CNTN6: variants seen among roughly 807,000 people sequenced by gnomAD.
CNTN6 encodes the protein contactin-6.
A neutral mutation model predicts 122.8 loss-of-function variants in CNTN6; 137 were observed. That is an observed-to-expected ratio of 1.12 (90% CI 0.97 to 1.29). The LOEUF is 1.29. Ranked by LOEUF, CNTN6 falls within the 50% of genes most tolerant of loss-of-function variation. The pLI, the probability that CNTN6 is intolerant of heterozygous loss-of-function variation, is 0.00. For synonymous variants in CNTN6, 570 were observed against 426.0 expected, an observed-to-expected ratio of 1.34 and a Z score of -4.16; for missense variants, 1,634 against 1,223.4, an observed-to-expected ratio of 1.34 and a Z score of -5.01.
chr3:1,174,612 A>C (rs2093415804), intron 2 of CNTN6, among the ~76,000 whole-genome samples: 1 of 152,134 alleles, frequency 6.6e-6, no homozygotes, highest in Non-Finnish European at 1.5e-5. Flanking sequence ...ACAAAGTATG[A>C]TTAGTAACTA....
rs372264332 is a variant in CNTN6 at position 1,245,975 on chromosome 3, G to T, written c.358+17982G>T. On this transcript the variant is annotated intron_variant, in intron 4 of 22. Transcript: ENST00000446702. ...AAGAAAATGTATGAATTTTTGTTGG[G>T]CCACATTCAAAGCCATCCTGGGTTG... 1.1e-4 allele frequency among the ~76,000 whole-genome samples: 17 copies of T among 152,134 alleles called. No individual in the cohort carries two copies. In the East Asian group the frequency reaches 3.1e-3, roughly 28 times the overall value.
Position 1,402,501 on chromosome 3 carries a change from C to T in CNTN6, c.2986+15C>T, listed in dbSNP as rs768373088. ...AAAAATGTCAAGTAAGTTGAGTCAC[C>T]ATTGCTGTAGTAGATTCTGAACCTA... On this transcript the variant is annotated intron_variant, in intron 22 of 22. Transcript: ENST00000446702. 1 of 1,597,516 alleles carries T rather than the reference C, an allele frequency of 6.3e-7. No individual in the cohort carries two copies. Among genetic ancestry groups the T allele is most frequent in the African/African-American group, 1.3e-5 (1 of 74,538 alleles).
intron 11 of CNTN6, among the ~76,000 whole-genome samples, chr3:1,341,234 T>TCTAGTA (rs1703848102): frequency 6.6e-6 from 1 of 152,106 alleles, no homozygotes; most frequent in South Asian, 2.1e-4. Flanking sequence ...TCACACATTT[T>TCTAGTA]TGTGTCCTTT....
At chr3:1,403,260 A>C in intron 22 of CNTN6, 58 bp from the exon 23 acceptor site, 1 of 1,127,658 alleles carries the variant, frequency 8.9e-7, no homozygotes, top group Non-Finnish European at 1.3e-6. Flanking sequence ...TTGAAAAATT[A>C]ATCTAACAGG....
chr3:1,366,557 C>T (rs1708245586), intron 12 of CNTN6, among the ~76,000 whole-genome samples: 1 of 152,086 alleles, frequency 6.6e-6, no homozygotes, highest in South Asian at 2.1e-4. Context: ...ACTGAAGCCC[C>T]TCTTCTTTCC....
chr3:1,329,236 T>C (rs894150994), intron 10 of CNTN6, among the ~76,000 whole-genome samples: 2 of 144,170 alleles, frequency 1.4e-5, no homozygotes, highest in Non-Finnish European at 3.0e-5. Flanking sequence ...TACACATGTA[T>C]GTGCATACAT....
intron 2 of CNTN6, among the ~76,000 whole-genome samples, chr3:1,154,634 G>A (rs2092922654): frequency 1.3e-5 from 2 of 151,838 alleles, no homozygotes; most frequent in Middle Eastern, 3.2e-3. Flanking sequence ...GTAGAGACGG[G>A]GTTTCTCCAT....
intron 7 of CNTN6, among the ~76,000 whole-genome samples, chr3:1,304,811 G>A (rs1698064314): frequency 6.6e-6 from 1 of 151,812 alleles, no homozygotes; most frequent in African/African-American, 2.4e-5. Context: ...GGCCAAGAAG[G>A]TGAAACCCCC....
intron 2 of CNTN6, among the ~76,000 whole-genome samples, chr3:1,201,697 A>G (rs2093874899): frequency 6.6e-6 from 1 of 152,250 alleles, no homozygotes; most frequent in African/African-American, 2.4e-5. Flanking sequence ...TATTTATAAT[A>G]GAAAACAAAA....
At chr3:1,368,956 T>C (rs913082822) in intron 12 of CNTN6, among the ~76,000 whole-genome samples, 6 of 152,232 alleles carry the variant, frequency 3.9e-5, no homozygotes, top group African/African-American at 1.2e-4. Flanking sequence ...ATGACGTTTG[T>C]GGCTTATATC....
chr3:1,355,155 T>C (rs1706344144), intron 12 of CNTN6, among the ~76,000 whole-genome samples: 4 of 151,680 alleles, frequency 2.6e-5, no homozygotes, highest in Admixed American at 6.6e-5. Context: ...CCATTTTAAG[T>C]GGACTTTGGG....
Position 1,220,771 on chromosome 3 carries a change from T to A in CNTN6, c.140T>A (p.Ile47Asn), listed in dbSNP as rs2094197099. 1 of 1,612,912 alleles carries A rather than the reference T, an allele frequency of 6.2e-7. No homozygotes were observed. The highest frequency in any genetic ancestry group is 1.7e-5 in the Admixed American group (1 of 59,868). Residue 47 changes from isoleucine (I) to asparagine (N), a missense_variant, in exon 3 of 23, where the codon ATC (isoleucine) becomes AAC (asparagine). Ile to Asn is a moderately radical substitution (Grantham distance 149, BLOSUM62 -3). Coordinates refer to ENST00000446702, the MANE Select transcript of CNTN6 (RefSeq NM_001289080.2). ...FPLDLSKSEV[I>N]LNCAANGYPS... ...TTGGATTTATCAAAATCTGAGGTCATCCTGAATTGTGCTGCTAATGGTTAC... is the reference window on the plus strand; with the variant it reads ...TTGGATTTATCAAAATCTGAGGTCAACCTGAATTGTGCTGCTAATGGTTAC...
chr3:1,109,302 T>C (rs1443867242), intron 1 of CNTN6, among the ~76,000 whole-genome samples: 2 of 152,044 alleles, frequency 1.3e-5, no homozygotes, highest in African/African-American at 2.4e-5. Flanking sequence ...TCTCAAAAAC[T>C]CAATGTACCT....
chr3:1,161,403 A>G (rs1341311744), intron 2 of CNTN6, among the ~76,000 whole-genome samples: 1 of 151,126 alleles, frequency 6.6e-6, no homozygotes, highest in Non-Finnish European at 1.5e-5. Flanking sequence ...AAACTTAGCA[A>G]AAGCCTTCTA....
intron 4 of CNTN6, among the ~76,000 whole-genome samples, chr3:1,265,042 TCC>T (rs1480303710): frequency 7.4e-6 from 1 of 134,666 alleles, no homozygotes; most frequent in Non-Finnish European, 1.5e-5. Flanking sequence ...TGACCGAATT[TCC>T]TTTTTTTTTT....
intron 1 of CNTN6, among the ~76,000 whole-genome samples, chr3:1,143,793 A>G (rs1055605496): frequency 2.0e-4 from 31 of 152,232 alleles, no homozygotes; most frequent in African/African-American, 7.5e-4. Context: ...TATGCTGATA[A>G]GCAATCAGAT....
chr3:1,109,035 T>TTTAATTGTGG (rs1369403122), intron 1 of CNTN6, among the ~76,000 whole-genome samples: 4 of 152,060 alleles, frequency 2.6e-5, no homozygotes, highest in Admixed American at 1.3e-4. Context: ...ATAATTGAAT[T>TTTAATTGTGG]TTAATTGTGG....
Position 1,403,552 on chromosome 3 carries a change from T to G in CNTN6, c.*134T>G. 2.0e-6 allele frequency: 1 copy of G among 506,854 alleles called. No individual in the cohort carries two copies. Among genetic ancestry groups the G allele is most frequent in the South Asian group, 3.7e-5 (1 of 27,158 alleles). The allele number at this position is 506,854 out of a possible 1,614,324, so 31.4% of individuals were successfully genotyped here. A position where few individuals can be genotyped will look rare whatever the true frequency, so the allele number is the denominator to read the frequency against. ...GAAAAAAAAAAGTATATTATTAAAATCCTGTAAATATCTATGGTATATTAA... is the reference window on the plus strand; with the variant it reads ...GAAAAAAAAAAGTATATTATTAAAAGCCTGTAAATATCTATGGTATATTAA... On this transcript the variant is annotated 3_prime_UTR_variant, in exon 23 of 23. Coordinates refer to ENST00000446702, the MANE Select transcript of CNTN6 (RefSeq NM_001289080.2).
intron 2 of CNTN6, among the ~76,000 whole-genome samples, chr3:1,204,422 A>C (rs1330483580): frequency 6.6e-6 from 1 of 152,198 alleles, no homozygotes; most frequent in Non-Finnish European, 1.5e-5. Context: ...AAAGAATCTG[A>C]GTTTCCTGCT....
Sources: allele counts gnomAD v4.1 joint callset (sites outside exome capture counted in the v4.1 genomes callset), GRCh38; gene constraint gnomAD v4.1.1; transcripts MANE v1.5; gene names NCBI Gene and HGNC (gene_info 2026-07-23, HGNC 2026-07-21).